Variants in ATP8A1 observed in about 807,000 individuals in gnomAD.
ATP8A1 encodes the protein phospholipid-transporting ATPase IA.
In ATP8A1, 90 loss-of-function variants were observed where a neutral mutation model predicts 177.7. That is an observed-to-expected ratio of 0.51 (90% confidence interval 0.43 to 0.60). ATP8A1 has a LOEUF of 0.60. Among genes scored for constraint, ATP8A1 ranks in the 20% least tolerant of loss-of-function variants. The probability of loss-of-function intolerance (pLI) is 0.00; values close to 1 mark genes in which losing one functional copy is unlikely to be tolerated. For synonymous variants in ATP8A1, 493 were observed against 485.9 expected (o/e 1.01, Z -0.19); for missense variants, 1,072 against 1,392.8 (o/e 0.77, Z 3.67).
intron 33 of ATP8A1, among the ~76,000 whole-genome samples, chr4:42,432,613 G>A (rs548361897): frequency 8.5e-5 from 13 of 152,284 alleles, no homozygotes; most frequent in Middle Eastern, 6.8e-3. Flanking sequence ...GGTTGAACTG[G>A]GTGGTACGCA....
At chr4:42,501,750 C>G (rs1055644180) in intron 24 of ATP8A1, among the ~76,000 whole-genome samples, 1 of 152,152 alleles carries the variant, frequency 6.6e-6, no homozygotes, top group African/African-American at 2.4e-5. Flanking sequence ...AGGAGCTACG[C>G]GAAGTGATGT....
At chr4:42,469,521 C>A (rs57908301) in intron 25 of ATP8A1, among the ~76,000 whole-genome samples, 47 of 152,254 alleles carry the variant, frequency 3.1e-4, no homozygotes, top group African/African-American at 1.1e-3. Flanking sequence ...AAGGGGGTTA[C>A]AATATAGCAA....
At chr4:42,527,405 G>A (rs774040741) in intron 20 of ATP8A1, among the ~76,000 whole-genome samples, 2 of 152,200 alleles carry the variant, frequency 1.3e-5, no homozygotes, top group Non-Finnish European at 2.9e-5. Context: ...AAACTCTGAT[G>A]AACCTTTTTT....
At chr4:42,649,135 A>C (rs927792731) in intron 1 of ATP8A1, among the ~76,000 whole-genome samples, 2 of 152,200 alleles carry the variant, frequency 1.3e-5, no homozygotes, top group African/African-American at 4.8e-5. Flanking sequence ...GAAATGACCT[A>C]AATGTCCACC....
chr4:42,449,955 TAGC>T (rs1427877505), intron 30 of ATP8A1, among the ~76,000 whole-genome samples: 5 of 152,210 alleles, frequency 3.3e-5, no homozygotes, highest in African/African-American at 1.2e-4. Flanking sequence ...AAGGTTGAAA[TAGC>T]AGTTTAGAAG....
chr4:42,636,851 C>T lies in ATP8A1; in HGVS notation c.50-9742G>A, dbSNP rs1005569780. Among the ~76,000 whole-genome samples, 20 of 152,290 alleles carry T rather than the reference C, an allele frequency of 1.3e-4. No homozygotes were observed. In the South Asian group the frequency reaches 1.9e-3, roughly 14 times the overall value. ...CAGGCTAAGCCAGTCAGTCAATTTG[C>T]CATCTGGAGAGATGAAAAGGCTGAA... is the stretch of plus-strand genomic sequence containing the variant. On this transcript the variant is annotated intron_variant, in intron 1 of 36. Coordinates refer to ENST00000381668, the MANE Select transcript of ATP8A1 (RefSeq NM_006095.2).
In ATP8A1 at chr4:42,546,463, GGA is replaced by G. The variant is rs202161302; in HGVS notation, c.1653-2479_1653-2478del. ...GGGGGAGGGGGGAGGGATAGCATTA[GGA>G]GATATACCCAAAGCTAAATGACGAG... is the stretch of plus-strand genomic sequence containing the variant. On this transcript the variant is annotated intron_variant, in intron 19 of 36. Coordinates refer to ENST00000381668, the MANE Select transcript of ATP8A1 (RefSeq NM_006095.2). Among the ~76,000 whole-genome samples, 1,338 of 150,832 alleles carry G rather than the reference GGA, an allele frequency of 8.9e-3. 18 individuals carry two copies. The highest frequency in any genetic ancestry group is 0.031 in the African/African-American group (1,283 of 40,848).
chr4:42,485,659 C>T lies in ATP8A1; in HGVS notation c.2161G>A (p.Glu721Lys), dbSNP rs1722124453. ...GTAGTACAGTGACGACTGAGAGTTT[C>T]CCTTGTTCCCTGGAATATTAAACAA... ...INEGSLDGTRETLSRHCTTLG... is the reference protein window; with the variant it reads ...INEGSLDGTRKTLSRHCTTLG... The change falls in exon 25 of 37, where the codon GAA becomes AAA. Residue 721 changes from glutamate to lysine, a missense_variant. Glu to Lys is a moderately conservative substitution (Grantham distance 56, BLOSUM62 1). Coordinates refer to ENST00000381668, the MANE Select transcript of ATP8A1 (RefSeq NM_006095.2). 6.2e-7 allele frequency: 1 copy of T among 1,609,390 alleles called. No homozygotes were observed. The highest frequency in any genetic ancestry group is 8.5e-7 in the Non-Finnish European group (1 of 1,178,364).
chr4:42,449,620 C>T lies in ATP8A1; in HGVS notation c.2896+2361G>A, dbSNP rs116185743. Among the ~76,000 whole-genome samples the T allele has an allele frequency of 8.4e-3, 1,286 of 152,260 alleles. 18 individuals carry two copies. Among genetic ancestry groups the T allele is most frequent in the African/African-American group, 0.028 (1,143 of 41,528 alleles). On this transcript the variant is annotated intron_variant, in intron 30 of 36. Transcript: ENST00000381668. Reference sequence around the variant, plus strand: ...TCCTTATTTAAAAATGAAAACAAGGCGAAACAACAACTACAAATCTCTCAA... The same window carrying T: ...TCCTTATTTAAAAATGAAAACAAGGTGAAACAACAACTACAAATCTCTCAA...
At chr4:42,502,512 G>A (rs1024278333) in intron 24 of ATP8A1, among the ~76,000 whole-genome samples, 1 of 152,166 alleles carries the variant, frequency 6.6e-6, no homozygotes, top group East Asian at 1.9e-4. Context: ...GCTACGGAAG[G>A]TAAATGCCCA....
intron 5 of ATP8A1, among the ~76,000 whole-genome samples, chr4:42,613,125 T>G (rs1736536087): frequency 6.6e-6 from 1 of 152,240 alleles, no homozygotes; most frequent in Non-Finnish European, 1.5e-5. Context: ...ATGGCTTTCA[T>G]GTTAAGCAAT....
chr4:42,468,349 C>A (rs986392647), intron 25 of ATP8A1, among the ~76,000 whole-genome samples: 2 of 151,560 alleles, frequency 1.3e-5, no homozygotes, highest in Admixed American at 6.6e-5. Flanking sequence ...AATCAACAAG[C>A]GGATAAAGAA....
At chr4:42,417,220 A>G (rs2153166240) in intron 35 of ATP8A1, among the ~76,000 whole-genome samples, 1 of 152,248 alleles carries the variant, frequency 6.6e-6, no homozygotes, top group Non-Finnish European at 1.5e-5. Context: ...CTGGGCCATC[A>G]ATGTTTATAG....
chr4:42,511,438 A>T (rs548621411), intron 22 of ATP8A1, among the ~76,000 whole-genome samples: 19 of 152,224 alleles, frequency 1.2e-4, no homozygotes, highest in Non-Finnish European at 2.5e-4. Context: ...ATTCAAAAAA[A>T]AACTCCAAAC....
chr4:42,534,344 G>T (rs1468111958), intron 20 of ATP8A1, among the ~76,000 whole-genome samples: 1 of 152,058 alleles, frequency 6.6e-6, no homozygotes, highest in African/African-American at 2.4e-5. Context: ...ACAACCTCTG[G>T]AAATGAAGGC....
At chr4:42,609,665 C>T (rs1736175340) in intron 5 of ATP8A1, among the ~76,000 whole-genome samples, 1 of 152,180 alleles carries the variant, frequency 6.6e-6, no homozygotes, top group Non-Finnish European at 1.5e-5. Context: ...TGGTATTTGA[C>T]TGGGTTTCTC....
chr4:42,583,533 G>A (rs1443001122), intron 9 of ATP8A1, among the ~76,000 whole-genome samples: 5 of 152,104 alleles, frequency 3.3e-5, no homozygotes, highest in Non-Finnish European at 7.4e-5. Flanking sequence ...TGGATTGACC[G>A]GAATTAGACA....
chr4:42,448,547 G>A lies in ATP8A1; in HGVS notation c.2897-1903C>T, dbSNP rs891065065. On this transcript the variant is annotated intron_variant, in intron 30 of 36. Transcript: ENST00000381668. ...TGAGTAGTTGGGGTTACAGGCACAC[G>A]TCACCATGCCCAGCTAATTTTTGTA... Among the ~76,000 whole-genome samples, 6 of 151,314 alleles carry A rather than the reference G, an allele frequency of 4.0e-5. No individual in the cohort carries two copies. The East Asian group carries it at 5.9e-4, about 15-fold the overall frequency.
chr4:42,488,277 T>C lies in ATP8A1; in HGVS notation c.2152-2609A>G, dbSNP rs564221458. ...TCCTGAGCAGGAGGCACTACTGTTATCTCCATTCTGCAGATGAGAGTGTTT... is the reference window on the plus strand; with the variant it reads ...TCCTGAGCAGGAGGCACTACTGTTACCTCCATTCTGCAGATGAGAGTGTTT... On this transcript the variant is annotated intron_variant, in intron 24 of 36. Coordinates refer to ENST00000381668, the MANE Select transcript of ATP8A1 (RefSeq NM_006095.2). Among the ~76,000 whole-genome samples the C allele has an allele frequency of 3.3e-5, 5 of 152,296 alleles. No homozygotes were observed. In the South Asian group the frequency reaches 6.2e-4, roughly 19 times the overall value.
Sources: allele counts gnomAD v4.1 joint callset (sites outside exome capture counted in the v4.1 genomes callset), GRCh38; gene constraint gnomAD v4.1.1; transcripts MANE v1.5; gene names NCBI Gene and HGNC (gene_info 2026-07-23, HGNC 2026-07-21).